Variants in RIPOR3 observed in about 807,000 individuals in gnomAD.
RIPOR3 encodes RIPOR family member 3.
A neutral mutation model predicts 114.3 loss-of-function variants in RIPOR3; 95 were observed. The observed-to-expected ratio is 0.83, with a 90% CI of 0.70 to 0.99. The LOEUF (loss-of-function observed/expected upper bound fraction) is 0.99. Among genes scored for constraint, RIPOR3 ranks in the 50% least tolerant of loss-of-function variants. RIPOR3 has a pLI of 0.00. For synonymous variants in RIPOR3, 575 were observed against 543.8 expected (o/e 1.06, Z -0.80); for missense variants, 1,252 against 1,266.9 (o/e 0.99, Z 0.18).
chr20:50,594,721 G>T lies in RIPOR3; in HGVS notation c.2051-7C>A. 6.2e-7 allele frequency: 1 copy of T among 1,605,464 alleles called. No homozygotes were observed. The highest frequency in any genetic ancestry group is 1.3e-5 in the African/African-American group (1 of 74,838). ...CGCGAGGCCTGTGGGATGACTGAAAGCCCCAGTTCAGAAACCTGAATGGTG... is the reference window on the plus strand; with the variant it reads ...CGCGAGGCCTGTGGGATGACTGAAATCCCCAGTTCAGAAACCTGAATGGTG... On this transcript the variant is annotated splice_region_variant and splice_polypyrimidine_tract_variant and intron_variant, in intron 16 of 21. Coordinates refer to ENST00000327979, the MANE Select transcript of RIPOR3 (RefSeq NM_001290268.2).
At chr20:50,626,121 A>G (rs1263132149) in intron 2 of RIPOR3, among the ~76,000 whole-genome samples, 1 of 152,226 alleles carries the variant, frequency 6.6e-6, no homozygotes, top group East Asian at 1.9e-4. Context: ...ACAAGGCCAG[A>G]AGGTGGGGCC....
chr20:50,688,270 C>T (rs2087095250), intron 1 of RIPOR3, among the ~76,000 whole-genome samples: 1 of 152,148 alleles, frequency 6.6e-6, no homozygotes, highest in Non-Finnish European at 1.5e-5. Flanking sequence ...CCCACCTCAG[C>T]CTCCTGAGTA....
intron 20 of RIPOR3, among the ~76,000 whole-genome samples, chr20:50,588,226 A>G (rs1197722028): frequency 6.6e-6 from 1 of 151,934 alleles, no homozygotes; most frequent in Non-Finnish European, 1.5e-5. Context: ...TCCTTGCCCT[A>G]CTCTCCAGGA....
chr20:50,596,169 G>GT lies in RIPOR3; in HGVS notation c.1884dup (p.His629ThrfsTer16). The GT allele has an allele frequency of 6.2e-7, 1 of 1,614,220 alleles. No individual in the cohort carries two copies. Among genetic ancestry groups the GT allele is most frequent in the Non-Finnish European group, 8.5e-7 (1 of 1,180,050 alleles). ...AGCAGAGCTTTGCAGACTTGGAGGT[G>GT]TACCATCAGCAGCACGTCCAGCTCT... On this transcript the variant is annotated frameshift_variant, in exon 15 of 22. Transcript: ENST00000327979. LOFTEE classifies it high-confidence loss of function.
At chr20:50,597,731 C>A (rs1221784461) in intron 13 of RIPOR3, 21 bp from the exon 14 acceptor site, 5 of 1,609,926 alleles carry the variant, frequency 3.1e-6, no homozygotes, top group Non-Finnish European at 4.2e-6. Flanking sequence ...AGTGGCCAGA[C>A]CTGAGGGCAA....
chr20:50,676,670 C>G (rs934050999), intron 1 of RIPOR3, among the ~76,000 whole-genome samples: 4 of 151,976 alleles, frequency 2.6e-5, no homozygotes, highest in Non-Finnish European at 5.9e-5. Context: ...ATAAAAAAAC[C>G]CACAGGTGAG....
intron 21 of RIPOR3, 25 bp from the exon 22 acceptor site, chr20:50,587,357 G>A (rs1247023712): frequency 6.2e-7 from 1 of 1,603,438 alleles, no homozygotes; most frequent in Admixed American, 1.7e-5. Flanking sequence ...GGACCTGTCA[G>A]CGGGTTGGAT....
At chr20:50,597,399 G>A (rs1164549427) in intron 14 of RIPOR3, 181 bp downstream of exon 14, 26 of 880,082 alleles carry the variant, frequency 3.0e-5, no homozygotes, top group East Asian at 1.9e-4. Context: ...TCTGAGGACC[G>A]GCTCTGAGGC....
chr20:50,624,431 C>T (rs1036021850), intron 2 of RIPOR3, among the ~76,000 whole-genome samples: 2 of 152,202 alleles, frequency 1.3e-5, no homozygotes, highest in Non-Finnish European at 2.9e-5. Flanking sequence ...GCCCCGCTTC[C>T]ATCCACCTGG....
intron 12 of RIPOR3, among the ~76,000 whole-genome samples, chr20:50,604,107 G>A (rs1219605156): frequency 1.3e-5 from 2 of 151,930 alleles, no homozygotes; most frequent in African/African-American, 4.8e-5. Flanking sequence ...GCTTGAACCT[G>A]GGAGGAGGTG....
At chr20:50,650,996 G>A (rs543473751) in intron 1 of RIPOR3, among the ~76,000 whole-genome samples, 18 of 151,540 alleles carry the variant, frequency 1.2e-4, no homozygotes, top group African/African-American at 4.1e-4. Flanking sequence ...TTTTGAGACC[G>A]AGTCTCGCTC....
In RIPOR3 at chr20:50,593,026, C is replaced by G. The variant is rs1235154458; in HGVS notation, c.2374+9G>C. On this transcript the variant is annotated intron_variant, in intron 18 of 21. Transcript: ENST00000327979. Reference sequence around the variant, plus strand: ...CCTCTGCTATGACAGCCACCCACCCCAGTCTTACCTTCCTTGGTGAGCTGG... The same window carrying G: ...CCTCTGCTATGACAGCCACCCACCCGAGTCTTACCTTCCTTGGTGAGCTGG... 1 of 1,613,638 alleles carries G rather than the reference C, an allele frequency of 6.2e-7. No individual in the cohort carries two copies. The highest frequency in any genetic ancestry group is 1.3e-5 in the African/African-American group (1 of 74,954).
Position 50,593,109 on chromosome 20 carries a change from A to G in RIPOR3, c.2300T>C (p.Phe767Ser), listed in dbSNP as rs1417383960. The change falls in exon 18 of 22, where the codon TTC becomes TCC. Residue 767 changes from phenylalanine to serine, a missense_variant. Physicochemically the swap from Phe to Ser is radical, Grantham distance 155. Transcript: ENST00000327979. ...CCTCTGCAGGTAGCTGTGAAACTGGAACCAGGTAATGATCTGTTCTTCTGG... is the reference window on the plus strand; with the variant it reads ...CCTCTGCAGGTAGCTGTGAAACTGGGACCAGGTAATGATCTGTTCTTCTGG... ...GLPEEQIITW[F>S]QFHSYLQRQS... The G allele has an allele frequency of 1.2e-6, 2 of 1,614,092 alleles. No homozygotes were observed. The highest frequency in any genetic ancestry group is 1.7e-6 in the Non-Finnish European group (2 of 1,180,022).
chr20:50,673,186 G>T (rs944796148), intron 1 of RIPOR3, among the ~76,000 whole-genome samples: 3 of 152,178 alleles, frequency 2.0e-5, no homozygotes, highest in Admixed American at 1.3e-4. Flanking sequence ...CTCTTCTCTA[G>T]ATACCATCAC....
At chr20:50,595,619 C>T (rs955900403) in intron 15 of RIPOR3, 115 bp from the exon 16 acceptor site, 104 of 1,410,080 alleles carry the variant, frequency 7.4e-5, no homozygotes, top group Non-Finnish European at 9.2e-5. Context: ...GGGGCAGCTC[C>T]CTGACTGTCA....
At chr20:50,675,294 A>G (rs995953850) in intron 1 of RIPOR3, among the ~76,000 whole-genome samples, 2 of 152,194 alleles carry the variant, frequency 1.3e-5, no homozygotes, top group Non-Finnish European at 1.5e-5. Context: ...GAAGCCACCT[A>G]GTTGGAGGTG....
chr20:50,627,693 A>T (rs911578323), intron 2 of RIPOR3, among the ~76,000 whole-genome samples: 30 of 151,954 alleles, frequency 2.0e-4, no homozygotes, highest in Non-Finnish European at 2.9e-4. Flanking sequence ...AAAAAAAAAA[A>T]TTTTGGGAGG....
rs1167024615 is a variant in RIPOR3, at chr20:50,592,517, C to T, written c.2404G>A (p.Gly802Arg). 17 of 1,590,768 alleles carry T rather than the reference C, an allele frequency of 1.1e-5. No homozygotes were observed. Among genetic ancestry groups the T allele is most frequent in the Non-Finnish European group, 1.5e-5 (17 of 1,166,430 alleles). ...VTLIEELHCA[G>R]QAKVVRKLQG... Reference sequence around the variant, plus strand: ...AGCTTCCGGACCACCTTGGCCTGTCCCGCACAGTGAAGCTCCTCGATGAGT... The same window carrying T: ...AGCTTCCGGACCACCTTGGCCTGTCTCGCACAGTGAAGCTCCTCGATGAGT... Residue 802 changes from glycine (G) to arginine (R), a missense_variant, in exon 19 of 22, where the codon GGA becomes AGA. Physicochemically the swap from Gly to Arg is moderately radical, Grantham distance 125. Transcript: ENST00000327979.
chr20:50,601,918 G>A (rs1436900595), intron 13 of RIPOR3, among the ~76,000 whole-genome samples, 154 bp downstream of exon 13: 1 of 152,220 alleles, frequency 6.6e-6, no homozygotes, highest in Admixed American at 6.5e-5. Context: ...CTTGCCAGAT[G>A]AGGAAACCAA....
Sources: gnomAD v4.1 joint callset for allele counts (sites outside exome capture counted in the v4.1 genomes callset) on GRCh38, gnomAD v4.1.1 for gene constraint, MANE v1.5 for transcripts, NCBI Gene and HGNC (gene_info 2026-07-23, HGNC 2026-07-21) for gene names.